Variants in PM20D2 observed in about 807,000 individuals in gnomAD.
The protein encoded by PM20D2 is xaa-Arg dipeptidase.
A neutral mutation model predicts 42.9 loss-of-function variants in PM20D2; 33 were observed. That is an observed-to-expected ratio of 0.77 (90% confidence interval 0.58 to 1.03). The LOEUF (loss-of-function observed/expected upper bound fraction) is 1.03, where lower values mean the gene tolerates loss of function less well. Ranked by LOEUF, PM20D2 falls within the 50% of genes least tolerant of loss-of-function variation. PM20D2 has a pLI of 0.00. For missense variants in PM20D2, 548 were observed against 557.0 expected (o/e 0.98, Z 0.16); for synonymous variants, 250 against 228.2 (o/e 1.10, Z -0.86).
chr6:89,103,610 C>T, the PM20D2 span, among the ~76,000 whole-genome samples: 18 of 152,192 alleles, frequency 1.2e-4, 1 homozygote, highest in South Asian at 3.1e-3. Flanking sequence ...GGATTACAGG[C>T]GTAAGCCACT....
the PM20D2 span, among the ~76,000 whole-genome samples, chr6:89,125,954 T>A: frequency 6.6e-6 from 1 of 150,764 alleles, no homozygotes; most frequent in South Asian, 2.1e-4. Flanking sequence ...GGCATTGGGG[T>A]GGGTGCCTGT....
At chr6:89,102,940 T>A in the PM20D2 span, among the ~76,000 whole-genome samples, 1 of 152,070 alleles carries the variant, frequency 6.6e-6, no homozygotes, top group East Asian at 1.9e-4. Flanking sequence ...TTTTTTTTAG[T>A]TTTTGTAGAC....
chr6:89,163,292 A>T lies in PM20D2; in HGVS notation c.*1029A>T, dbSNP rs2127783565. The T allele has an allele frequency of 6.6e-6, 1 of 152,326 alleles. No homozygotes were observed. Among genetic ancestry groups the T allele is most frequent in the African/African-American group, 2.4e-5 (1 of 41,562 alleles). The allele number at this position is 152,326 out of a possible 1,614,324, so 9.4% of individuals were successfully genotyped here. On this transcript the variant is annotated 3_prime_UTR_variant, in exon 7 of 7. Coordinates refer to ENST00000275072, the MANE Select transcript of PM20D2 (RefSeq NM_001010853.3). ...TTGTACAACGTGGAGAAGAAAAGAT[A>T]TACTTACTACTTTGCTTCAGGTACA... is the stretch of plus-strand genomic sequence containing the variant.
the PM20D2 span, among the ~76,000 whole-genome samples, chr6:89,126,529 C>G: frequency 6.6e-6 from 1 of 151,420 alleles, no homozygotes. Flanking sequence ...ACTAAAAATA[C>G]AAAAATTAGC....
chr6:89,118,204 G>T, the PM20D2 span: 1 of 152,852 alleles, frequency 6.5e-6, no homozygotes. Context: ...GACGGGATTT[G>T]GGGAGGGGGC....
the PM20D2 span, among the ~76,000 whole-genome samples, chr6:89,094,151 C>T: frequency 6.6e-6 from 1 of 151,976 alleles, no homozygotes; most frequent in South Asian, 2.1e-4. Context: ...GAACTCCTGA[C>T]CTCAAGCGAT....
chr6:89,158,977 T>A (rs910130459), intron 5 of PM20D2, among the ~76,000 whole-genome samples: 5 of 152,192 alleles, frequency 3.3e-5, no homozygotes, highest in Non-Finnish European at 7.3e-5. Context: ...GTTGTTGAAG[T>A]AGGCCCAAAA....
At chr6:89,108,287 G>A in the PM20D2 span, among the ~76,000 whole-genome samples, 2 of 152,198 alleles carry the variant, frequency 1.3e-5, no homozygotes, top group African/African-American at 4.8e-5. Context: ...ATGTTAGCCA[G>A]TGTTCACCTT....
chr6:89,106,666 G>A, the PM20D2 span: 21 of 178,774 alleles, frequency 1.2e-4, no homozygotes, highest in African/African-American at 4.9e-4. Flanking sequence ...AATATAAAAC[G>A]AGACTGGCAA....
chr6:89,111,945 C>T, the PM20D2 span, among the ~76,000 whole-genome samples: 1 of 152,148 alleles, frequency 6.6e-6, no homozygotes, highest in African/African-American at 2.4e-5. Flanking sequence ...AGTACAAAAG[C>T]AAAGATATTA....
At chr6:89,133,487 A>G in the PM20D2 span, among the ~76,000 whole-genome samples, 5 of 151,072 alleles carry the variant, frequency 3.3e-5, no homozygotes, top group Non-Finnish European at 7.3e-5. Flanking sequence ...ATAGAGTGGC[A>G]GTCAGTTCAC....
chr6:89,107,848 A>G, the PM20D2 span, among the ~76,000 whole-genome samples: 1 of 152,042 alleles, frequency 6.6e-6, no homozygotes, highest in South Asian at 2.1e-4. Context: ...CTTTACAAGC[A>G]CTCCAGGTGG....
Position 89,163,780 on chromosome 6 carries a change from T to C in PM20D2, c.*1517T>C, listed in dbSNP as rs1044588884. 3.3e-5 allele frequency: 5 copies of C among 152,224 alleles called. No individual in the cohort carries two copies. The highest frequency in any genetic ancestry group is 7.3e-5 in the Non-Finnish European group (5 of 68,042). 9.4% of individuals were successfully genotyped at this position (152,224 alleles called of 1,614,324 possible). ...AGGTATCTTTGTTTTTATGGAACAT[T>C]TTTATTACATGCCTTTATAATTTTT... On this transcript the variant is annotated 3_prime_UTR_variant, in exon 7 of 7. Coordinates refer to ENST00000275072, the MANE Select transcript of PM20D2 (RefSeq NM_001010853.3).
the PM20D2 span, chr6:89,097,255 T>C: frequency 2.0e-5 from 3 of 152,304 alleles, no homozygotes; most frequent in African/African-American, 7.2e-5. Flanking sequence ...TTTCATAATG[T>C]AAGTCACAAA....
At chr6:89,117,994 C>A in the PM20D2 span, 1 of 1,241,858 alleles carries the variant, frequency 8.1e-7, no homozygotes, top group East Asian at 3.4e-5. Flanking sequence ...CCGGCGCGAC[C>A]CCCACCCCTC....
In PM20D2 at chr6:89,146,610, G is replaced by C. The variant is rs1770571510; in HGVS notation, c.465+1G>C. On this transcript the variant is annotated splice_donor_variant, in intron 1 of 6. Coordinates refer to ENST00000275072, the MANE Select transcript of PM20D2 (RefSeq NM_001010853.3). LOFTEE classifies it high-confidence loss of function. ...CCCCAGGCCGCCTCCGCCCGTGAAG[G>C]TGAGGTGGGGCCCGGGTGCGGGACC... 4.2e-6 allele frequency: 6 copies of C among 1,431,554 alleles called. No homozygotes were observed. The highest frequency in any genetic ancestry group is 5.5e-6 in the Non-Finnish European group (6 of 1,099,462). 88.7% of individuals were successfully genotyped at this position (1,431,554 alleles called of 1,614,324 possible).
intron 5 of PM20D2, among the ~76,000 whole-genome samples, chr6:89,160,095 CAGACTCTTT>C (rs781483580): frequency 9.2e-5 from 14 of 152,156 alleles, no homozygotes; most frequent in South Asian, 2.1e-4. Context: ...TTTTTACACT[CAGACTCTTT>C]AGACTCTTTA....
the PM20D2 span, among the ~76,000 whole-genome samples, chr6:89,130,874 C>T: frequency 8.5e-6 from 1 of 118,196 alleles, no homozygotes; most frequent in Non-Finnish European, 1.6e-5. Context: ...GTTCTGTTGC[C>T]CAGGCTGGGT....
the PM20D2 span, among the ~76,000 whole-genome samples, chr6:89,102,959 C>T: frequency 6.6e-6 from 1 of 152,106 alleles, no homozygotes; most frequent in South Asian, 2.1e-4. Flanking sequence ...ACATGGGGGT[C>T]TCACTATGTT....
Sources: allele counts gnomAD v4.1 joint callset (sites outside exome capture counted in the v4.1 genomes callset), GRCh38; gene constraint gnomAD v4.1.1; transcripts MANE v1.5; gene names NCBI Gene and HGNC (gene_info 2026-07-23, HGNC 2026-07-21).